The following NLRP5 variants were observed in gnomAD, a reference collection of about 807,000 sequenced individuals.
NLRP5 encodes the protein NLR family pyrin domain containing 5, also known as NACHT, LRR and PYD domains-containing protein 5.
In NLRP5, 93 loss-of-function variants were observed where a neutral mutation model predicts 113.1. The ratio of observed to expected loss-of-function variants is 0.82; its 90% CI spans 0.70 to 0.98. The LOEUF (loss-of-function observed/expected upper bound fraction) is 0.98. NLRP5 is among the 50% of genes least tolerant of loss of function. NLRP5 has a pLI of 0.00. For missense variants in NLRP5, 1,808 were observed against 1,514.3 expected (o/e 1.19, Z -3.22); for synonymous variants, 751 against 600.7 (o/e 1.25, Z -3.66).
chr19:56,050,779 G>T (rs1254681898), intron 12 of NLRP5, among the ~76,000 whole-genome samples, 191 bp downstream of exon 12: 4 of 152,180 alleles, frequency 2.6e-5, no homozygotes, highest in Non-Finnish European at 4.4e-5. Flanking sequence ...GGCCGATGGA[G>T]CCTCATGGGA....
Position 56,038,116 on chromosome 19 carries a change from G to A in NLRP5, c.2707G>A (p.Gly903Arg). 6.2e-7 allele frequency: 1 copy of A among 1,613,980 alleles called. No individual in the cohort carries two copies. Among genetic ancestry groups the A allele is most frequent in the Admixed American group, 1.7e-5 (1 of 60,012 alleles). Reference sequence around the variant, plus strand: ...CAGCCTGAAATCTCTGAGCCTGGCAGGAAACAAGGTGACAGACCAGGGAGT... The same window carrying A: ...CAGCCTGAAATCTCTGAGCCTGGCAAGAAACAAGGTGACAGACCAGGGAGT... Residue 903 changes from glycine (G) to arginine (R), a missense_variant, in exon 10 of 15, where the codon GGA becomes AGA. Transcript: ENST00000390649.
intron 2 of NLRP5, among the ~76,000 whole-genome samples, chr19:56,005,352 TATA>T (rs1568481708): frequency 2.6e-4 from 36 of 137,916 alleles, no homozygotes; most frequent in African/African-American, 9.9e-4. Flanking sequence ...CACATACACA[TATA>T]TTTTTATATA....
intron 4 of NLRP5, among the ~76,000 whole-genome samples, chr19:56,018,345 A>C (rs1982487089): frequency 6.6e-6 from 1 of 152,230 alleles, no homozygotes; most frequent in Non-Finnish European, 1.5e-5. Flanking sequence ...ATTTGTATTT[A>C]GCCTCACATG....
At position 56,027,171 on chromosome 19, in the gene NLRP5, TCTC is replaced by T; in HGVS notation, c.941_943del (p.Ser314del). On this transcript the variant is annotated inframe_deletion, in exon 7 of 15. Transcript: ENST00000390649. ...CAAGGTGGACTCTACCAGGGAATGT[TCTC>T]CTACGTCTTCTTCCTCCCCGTTAGA... The T allele has an allele frequency of 6.2e-7, 1 of 1,606,516 alleles. No homozygotes were observed. Among genetic ancestry groups the T allele is most frequent in the South Asian group, 1.1e-5 (1 of 89,480 alleles).
chr19:56,021,117 AC>A (rs1386043138), intron 6 of NLRP5, among the ~76,000 whole-genome samples: 1 of 151,912 alleles, frequency 6.6e-6, no homozygotes, highest in Non-Finnish European at 1.5e-5. Context: ...TGATCTGCCC[AC>A]CTTAGCCTCC....
At position 56,027,826 on chromosome 19, in the gene NLRP5, C is replaced by T. The variant is rs767747773; in HGVS notation, c.1593C>T (p.Phe531=). Residue 531 remains phenylalanine (F), a synonymous_variant, in exon 7 of 15, where the codon TTC becomes TTT. Coordinates refer to ENST00000390649, the MANE Select transcript of NLRP5 (RefSeq NM_153447.4). ...AGGAAAGAGTTGTCCTGAAGCGCTT[C>T]TGCCGTATGGCTGTGGAGGGAGTGT... is the stretch of plus-strand genomic sequence containing the variant. 1.9e-6 allele frequency: 3 copies of T among 1,613,998 alleles called. No individual in the cohort carries two copies. Among genetic ancestry groups the T allele is most frequent in the South Asian group, 2.2e-5 (2 of 91,076 alleles).
chr19:56,061,590 C>T lies in NLRP5; in HGVS notation c.*62C>T, dbSNP rs1984357039. 6.3e-7 allele frequency: 1 copy of T among 1,586,496 alleles called. No homozygotes were observed. Among genetic ancestry groups the T allele is most frequent in the Admixed American group, 1.7e-5 (1 of 59,314 alleles). On this transcript the variant is annotated 3_prime_UTR_variant, in exon 15 of 15. Transcript: ENST00000390649. ...GGAGGAACTTTAAACGCTGTTTTCT[C>T]AGAGCAAGCTATGCACCTGGGAGTT...
At chr19:55,998,434 A>C (rs1263481073), upstream of NLRP5, among the ~76,000 whole-genome samples, 1 of 151,994 alleles carries the variant, frequency 6.6e-6, no homozygotes, top group Non-Finnish European at 1.5e-5. Context: ...CGGGTGGGCC[A>C]CAAGGTCAGG....
intron 3 of NLRP5, among the ~76,000 whole-genome samples, chr19:56,010,545 G>C (rs1982140888): frequency 6.6e-6 from 1 of 151,288 alleles, no homozygotes; most frequent in African/African-American, 2.4e-5. Flanking sequence ...GGGAGTTCGA[G>C]ACCAGTCTGA....
chr19:56,047,323 G>C (rs985430256), intron 11 of NLRP5, among the ~76,000 whole-genome samples: 1 of 152,114 alleles, frequency 6.6e-6, no homozygotes, highest in African/African-American at 2.4e-5. Flanking sequence ...TTGAGGGTGT[G>C]ACCTTATAGT....
intron 3 of NLRP5, among the ~76,000 whole-genome samples, chr19:56,012,372 A>T (rs973529731): frequency 6.8e-6 from 1 of 147,494 alleles, no homozygotes; most frequent in African/African-American, 2.5e-5. Context: ...CTGCCTTCGA[A>T]CTCCTGACCT....
chr19:56,026,411 C>T (rs898653856), intron 6 of NLRP5, among the ~76,000 whole-genome samples: 1 of 150,602 alleles, frequency 6.6e-6, no homozygotes, highest in South Asian at 2.1e-4. Flanking sequence ...ACCTGTAGTC[C>T]CAGCTACTCA....
At position 56,014,176 on chromosome 19, in the gene NLRP5, A is replaced by G. The variant is rs75934339; in HGVS notation, c.509-1566A>G. Among the ~76,000 whole-genome samples the G allele has an allele frequency of 6.5e-3, 989 of 152,196 alleles. 9 individuals are homozygous for G. Among genetic ancestry groups the G allele is most frequent in the African/African-American group, 0.023 (946 of 41,520 alleles). On this transcript the variant is annotated intron_variant, in intron 3 of 14. Transcript: ENST00000390649. ...TGATTGTTTGTGCTTTTGGTGTTAT[A>G]TCTTTAAAAAAATTGTTTAACCCAG...
At chr19:56,030,272 A>G (rs1230241984) in intron 7 of NLRP5, among the ~76,000 whole-genome samples, 4 of 152,006 alleles carry the variant, frequency 2.6e-5, no homozygotes, top group Non-Finnish European at 5.9e-5. Context: ...CAGGAGGCTG[A>G]GGCAGGAGAA....
In NLRP5 at chr19:56,038,133, C is replaced by G; in HGVS notation, c.2724C>G (p.Asp908Glu). Residue 908 changes from aspartate (D) to glutamate (E), a missense_variant, in exon 10 of 15, where the codon GAC (aspartate) becomes GAG (glutamate). By Grantham distance (45) the Asp-to-Glu change is conservative. Transcript: ENST00000390649. ...GCCTGGCAGGAAACAAGGTGACAGA[C>G]CAGGGAGTAATGCCTCTCAGTGATG... The G allele has an allele frequency of 6.2e-7, 1 of 1,613,944 alleles. No homozygotes were observed. The highest frequency in any genetic ancestry group is 8.5e-7 in the Non-Finnish European group (1 of 1,179,844).
intron 6 of NLRP5, among the ~76,000 whole-genome samples, chr19:56,025,722 A>T (rs903022507): frequency 1.3e-5 from 2 of 151,832 alleles, no homozygotes; most frequent in Non-Finnish European, 2.9e-5. Context: ...TCCCCTCTTT[A>T]TGTACAGCAG....
intron 9 of NLRP5, among the ~76,000 whole-genome samples, chr19:56,035,850 C>T (rs961639879): frequency 2.2e-4 from 33 of 151,824 alleles, no homozygotes; most frequent in Non-Finnish European, 3.7e-4. Context: ...TGGGCCACAT[C>T]GTGAAGGGTT....
At chr19:56,049,556 C>A (rs73620942) in intron 11 of NLRP5, among the ~76,000 whole-genome samples, 6,635 of 152,058 alleles carry the variant, frequency 0.044, 220 homozygotes, top group African/African-American at 0.092. Context: ...GATCCTCCCG[C>A]CTTGGCCTCC....
intron 11 of NLRP5, among the ~76,000 whole-genome samples, chr19:56,049,029 T>C (rs973220850): frequency 5.0e-5 from 7 of 139,846 alleles, no homozygotes; most frequent in Non-Finnish European, 1.1e-4. Context: ...TCACCCAGGC[T>C]GGAGTGCAGT....
Sources: gnomAD v4.1 joint callset for allele counts (sites outside exome capture counted in the v4.1 genomes callset) on GRCh38, gnomAD v4.1.1 for gene constraint, MANE v1.5 for transcripts, NCBI Gene and HGNC (gene_info 2026-07-23, HGNC 2026-07-21) for gene names.